The following KLF8 variants were observed in gnomAD, a reference collection of about 807,000 sequenced individuals.
KLF8 encodes Krueppel-like factor 8.
KLF8 carries 10 observed loss-of-function variants against 18.2 expected under a neutral mutation model. The observed-to-expected ratio is 0.55, with a 90% CI of 0.34 to 0.93. The LOEUF (loss-of-function observed/expected upper bound fraction) is 0.93. KLF8 is among the 40% of genes least tolerant of loss of function. KLF8 has a pLI of 0.02. For synonymous variants in KLF8, 109 were observed against 97.3 expected, an observed-to-expected ratio of 1.12 and a Z score of -0.71; for missense variants, 264 against 277.9, an observed-to-expected ratio of 0.95 and a Z score of 0.36.
At chrX:56,163,165 A>G in the KLF8 span, among the ~76,000 whole-genome samples, 2 of 111,984 alleles carry the variant, frequency 1.8e-5, no homozygotes, top group Admixed American at 9.5e-5. Context: ...TTGAGGAATT[A>G]CTGCACTATC....
chrX:56,076,286 C>G, the KLF8 span, among the ~76,000 whole-genome samples: 3 of 73,649 alleles, frequency 4.1e-5, no homozygotes, highest in Non-Finnish European at 7.8e-5. Context: ...GCTATCCCTC[C>G]GCCCTCCCCC....
intron 1 of KLF8, chrX:56,242,909 A>T (rs747905869): frequency 7.4e-5 from 31 of 419,385 alleles, no homozygotes; most frequent in Middle Eastern, 7.8e-4. Flanking sequence ...GATACACGTA[A>T]ATTTAGAATT....
chrX:56,018,344 C>G, the KLF8 span, among the ~76,000 whole-genome samples: 1 of 111,442 alleles, frequency 9.0e-6, no homozygotes, highest in Non-Finnish European at 1.9e-5. Flanking sequence ...TTTTTATTAA[C>G]TTTAATTCCC....
At chrX:56,138,069 CT>C in the KLF8 span, among the ~76,000 whole-genome samples, 1 of 94,519 alleles carries the variant, frequency 1.1e-5, no homozygotes, top group East Asian at 3.4e-4. Context: ...AAAAAAAACC[CT>C]CAGAGACTAT....
At chrX:55,917,119 T>C in the KLF8 span, among the ~76,000 whole-genome samples, 2 of 112,392 alleles carry the variant, frequency 1.8e-5, no homozygotes, top group East Asian at 5.6e-4. Context: ...TCTGCTTTGC[T>C]TTTTATAAAT....
the KLF8 span, among the ~76,000 whole-genome samples, chrX:56,169,954 G>C: frequency 0.022 from 2,414 of 111,515 alleles, 29 homozygotes; most frequent in Non-Finnish European, 0.032. Context: ...TGGGATGCTT[G>C]TGTCACCCCA....
the KLF8 span, among the ~76,000 whole-genome samples, chrX:56,068,518 T>G: frequency 8.9e-6 from 1 of 111,931 alleles, no homozygotes; most frequent in Admixed American, 9.4e-5. Flanking sequence ...AGCTTCCTGT[T>G]GTTTTGGTGA....
At chrX:56,049,921 A>G in the KLF8 span, among the ~76,000 whole-genome samples, 4 of 108,716 alleles carry the variant, frequency 3.7e-5, no homozygotes, top group African/African-American at 1.3e-4. Context: ...TTGGTAAGCT[A>G]TTGATTATTG....
chrX:56,133,755 C>T, the KLF8 span, among the ~76,000 whole-genome samples: 47 of 111,029 alleles, frequency 4.2e-4, no homozygotes, highest in African/African-American at 1.3e-3. Context: ...TGATTGTATA[C>T]CTAGAAAACC....
At chrX:55,928,989 CA>C in the KLF8 span, among the ~76,000 whole-genome samples, 2 of 112,264 alleles carry the variant, frequency 1.8e-5, no homozygotes, top group Non-Finnish European at 1.9e-5. Flanking sequence ...TTCCCACCAA[CA>C]GTGTAAAAGC....
the KLF8 span, among the ~76,000 whole-genome samples, chrX:56,094,985 G>A: frequency 9.0e-6 from 1 of 110,930 alleles, no homozygotes; most frequent in Non-Finnish European, 1.9e-5. Context: ...TGCCCTTCAC[G>A]AAATTAGGAA....
At chrX:56,090,289 T>TA in the KLF8 span, among the ~76,000 whole-genome samples, 4 of 111,979 alleles carry the variant, frequency 3.6e-5, no homozygotes, top group African/African-American at 1.3e-4. Flanking sequence ...ACCTAACTGC[T>TA]AGACAGAAAA....
chrX:56,205,318 C>T, the KLF8 span, among the ~76,000 whole-genome samples: 1 of 111,987 alleles, frequency 8.9e-6, no homozygotes, highest in Non-Finnish European at 1.9e-5. Flanking sequence ...TTGATTTTTA[C>T]AGTTCATCAC....
the KLF8 span, among the ~76,000 whole-genome samples, chrX:55,917,933 A>G: frequency 8.9e-6 from 1 of 112,153 alleles, no homozygotes; most frequent in African/African-American, 3.2e-5. Context: ...GGATCTCAAC[A>G]CAAAATTAAC....
rs751362149 is a variant in KLF8 at position 56,265,246 on chromosome X, A to G, written c.148A>G (p.Thr50Ala). 8.3e-7 allele frequency: 1 copy of G among 1,209,243 alleles called. No individual in the cohort carries two copies. Among genetic ancestry groups the G allele is most frequent in the Admixed American group, 2.2e-5 (1 of 45,887 alleles). ...IEYRSNMTSP[T>A]LLDANPMENP... is the part of the protein sequence containing the mutation. Reference sequence around the variant, plus strand: ...ATACAGAAGTAATATGACTTCTCCAACACTCCTGGATGCCAACCCCATGGA... The same window carrying G: ...ATACAGAAGTAATATGACTTCTCCAGCACTCCTGGATGCCAACCCCATGGA... Residue 50 changes from threonine to alanine, a missense_variant, in exon 3 of 6, where the codon ACA (threonine) becomes GCA (alanine). Coordinates refer to ENST00000468660, the MANE Select transcript of KLF8 (RefSeq NM_007250.5).
At chrX:56,115,451 C>A in the KLF8 span, among the ~76,000 whole-genome samples, 3 of 111,465 alleles carry the variant, frequency 2.7e-5, no homozygotes, top group Non-Finnish European at 5.6e-5. Flanking sequence ...CTAGGTTTGG[C>A]AGTTGACAGC....
the KLF8 span, among the ~76,000 whole-genome samples, chrX:56,054,813 A>G: frequency 1.8e-5 from 2 of 112,003 alleles, no homozygotes; most frequent in South Asian, 7.4e-4. Context: ...TTCTTGTTTC[A>G]TTGAACCCTT....
At chrX:56,000,763 TTTTG>T in the KLF8 span, among the ~76,000 whole-genome samples, 1 of 111,677 alleles carries the variant, frequency 9.0e-6, no homozygotes, top group African/African-American at 3.3e-5. Context: ...TGCATATAAA[TTTTG>T]TTTATCTTTT....
chrX:55,971,909 A>G, the KLF8 span, among the ~76,000 whole-genome samples: 1 of 111,204 alleles, frequency 9.0e-6, no homozygotes, highest in African/African-American at 3.3e-5. Flanking sequence ...ACAGGAAATA[A>G]ATGCTGGTGA....
Sources: gnomAD v4.1 joint callset for allele counts (sites outside exome capture counted in the v4.1 genomes callset) on GRCh38, gnomAD v4.1.1 for gene constraint, MANE v1.5 for transcripts, NCBI Gene and HGNC (gene_info 2026-07-23, HGNC 2026-07-21) for gene names.